LZTS1: variants seen among roughly 807,000 people sequenced by gnomAD.
The protein encoded by LZTS1 is leucine zipper tumor suppressor 1, also known as leucine zipper putative tumor suppressor 1.
In LZTS1, 31 loss-of-function variants were observed where a neutral mutation model predicts 45.8. The observed-to-expected ratio is 0.68, with a 90% CI of 0.51 to 0.91. LZTS1 has a LOEUF of 0.91. LZTS1 is among the 40% of genes least tolerant of loss of function. The pLI is 0.00. For missense variants in LZTS1, 821 were observed against 788.9 expected, an observed-to-expected ratio of 1.04 and a Z score of -0.49; for synonymous variants, 359 against 357.3, an observed-to-expected ratio of 1.00 and a Z score of -0.05.
In LZTS1 at chr8:20,253,018, C is replaced by T. The variant is rs528144165; in HGVS notation, c.913G>A (p.Glu305Lys). ...CCTTTGGGCTCCGGGCCCTCCAGCT[C>T]GTCCCTGCAGCGCCGCGGCCGCTCC... ...YEERPRRCRD[E>K]LEGPEPKGGN... The change falls in exon 3 of 4, where the codon GAG becomes AAG. Residue 305 changes from glutamate (E) to lysine (K), a missense_variant. Physicochemically the swap from Glu to Lys is moderately conservative, Grantham distance 56. Transcript: ENST00000381569. 46 of 1,596,728 alleles carry T rather than the reference C, an allele frequency of 2.9e-5. No individual in the cohort carries two copies. The highest frequency in any genetic ancestry group is 1.9e-4 in the South Asian group (17 of 90,618).
At chr8:20,254,719 T>C in intron 2 of LZTS1, 118 bp downstream of exon 2, 1 of 816,072 alleles carries the variant, frequency 1.2e-6, no homozygotes, top group Non-Finnish European at 1.9e-6. Flanking sequence ...GCCGCTCTGG[T>C]TTTGAGGAGT....
chr8:20,302,657 T>G (rs1335624622), intron 1 of LZTS1, among the ~76,000 whole-genome samples: 1 of 152,146 alleles, frequency 6.6e-6, no homozygotes, highest in Non-Finnish European at 1.5e-5. Context: ...GGTCCAGAAC[T>G]CAGTGCCTCC....
At chr8:20,276,189 A>AT (rs1800577522) in intron 1 of LZTS1, among the ~76,000 whole-genome samples, 1 of 151,690 alleles carries the variant, frequency 6.6e-6, no homozygotes, top group African/African-American at 2.4e-5. Context: ...TAAAATATAT[A>AT]TTTGGTCTTT....
intron 3 of LZTS1, among the ~76,000 whole-genome samples, chr8:20,250,818 C>T (rs55890309): frequency 0.32 from 48,417 of 151,500 alleles, 9,101 homozygotes; most frequent in Admixed American, 0.44. Flanking sequence ...AGGCTGATCT[C>T]GAATTCCTGA....
intron 1 of LZTS1, among the ~76,000 whole-genome samples, chr8:20,267,107 CA>C (rs11379373): frequency 1.1e-3 from 124 of 109,634 alleles, no homozygotes; most frequent in Middle Eastern, 4.8e-3. Context: ...GACTCCATCT[CA>C]AAAAAAAAAA....
intron 1 of LZTS1, 79 bp from the exon 2 acceptor site, chr8:20,255,394 G>T: frequency 9.5e-7 from 1 of 1,047,340 alleles, no homozygotes; most frequent in Non-Finnish European, 1.3e-6. Flanking sequence ...TCCAGATCTG[G>T]GCAGTAGAGA....
chr8:20,250,054 C>T lies in LZTS1; in HGVS notation c.1459G>A (p.Asp487Asn), dbSNP rs1799848231. The T allele has an allele frequency of 3.1e-6, 5 of 1,608,326 alleles. No homozygotes were observed. Among genetic ancestry groups the T allele is most frequent in the South Asian group, 2.2e-5 (2 of 90,952 alleles). The change falls in exon 4 of 4, where the codon GAC (aspartate) becomes AAC (asparagine). Residue 487 changes from aspartate (D) to asparagine (N), a missense_variant. Coordinates refer to ENST00000381569, the MANE Select transcript of LZTS1 (RefSeq NM_021020.5). Reference sequence around the variant, plus strand: ...TCGGGGAAGGTGGGCGGCCCCATGTCGCGGGCCAGGGCGGCCTGGGCCCGC... The same window carrying T: ...TCGGGGAAGGTGGGCGGCCCCATGTTGCGGGCCAGGGCGGCCTGGGCCCGC... ...ELRAQAALAR[D>N]MGPPTFPEDV...
chr8:20,285,374 T>C (rs1048343856), intron 1 of LZTS1, among the ~76,000 whole-genome samples: 9 of 152,174 alleles, frequency 5.9e-5, no homozygotes, highest in African/African-American at 2.2e-4. Flanking sequence ...TCTCTGGGGC[T>C]TATCCATAAT....
chr8:20,253,664 G>A (rs1800013310), intron 2 of LZTS1, 79 bp from the exon 3 acceptor site: 31 of 1,180,116 alleles, frequency 2.6e-5, no homozygotes, highest in Non-Finnish European at 3.4e-5. Flanking sequence ...CACGCGTGCC[G>A]ACCTTGAGCC....
chr8:20,254,313 T>C (rs910021655), intron 2 of LZTS1, among the ~76,000 whole-genome samples: 17 of 152,180 alleles, frequency 1.1e-4, no homozygotes, highest in Admixed American at 5.9e-4. Flanking sequence ...CTCTGGTAAA[T>C]GGATGACAAA....
chr8:20,289,723 A>C (rs1800866731), intron 1 of LZTS1: 1 of 152,230 alleles, frequency 6.6e-6, no homozygotes, highest in African/African-American at 2.4e-5. Flanking sequence ...AACTCTTGGC[A>C]GGCTTCCCTA....
intron 1 of LZTS1, among the ~76,000 whole-genome samples, chr8:20,260,049 AC>A (rs1800193526): frequency 6.6e-6 from 1 of 152,030 alleles, no homozygotes. Context: ...GACGGCACAT[AC>A]CATTACTCCT....
chr8:20,251,126 T>A (rs1248500169), intron 3 of LZTS1, among the ~76,000 whole-genome samples: 1 of 27,282 alleles, frequency 3.7e-5, no homozygotes, highest in African/African-American at 1.7e-4. Context: ...TATATATATA[T>A]ATATATATAT....
intron 1 of LZTS1, among the ~76,000 whole-genome samples, chr8:20,295,602 T>G (rs564446583): frequency 6.6e-6 from 1 of 152,268 alleles, no homozygotes; most frequent in East Asian, 1.9e-4. Context: ...TCAAGGGGCT[T>G]ATAACCTATG....
chr8:20,283,287 G>C (rs1240879537), intron 1 of LZTS1, among the ~76,000 whole-genome samples: 1 of 152,148 alleles, frequency 6.6e-6, no homozygotes, highest in African/African-American at 2.4e-5. Flanking sequence ...AGGTGATTAG[G>C]TCATGAGGGT....
intron 1 of LZTS1, among the ~76,000 whole-genome samples, chr8:20,274,149 C>G (rs58115408): frequency 6.6e-6 from 1 of 152,164 alleles, no homozygotes; most frequent in African/African-American, 2.4e-5. Flanking sequence ...CAGCTGCTCT[C>G]TACTTTGAGC....
chr8:20,286,207 A>G (rs182802472), intron 1 of LZTS1, among the ~76,000 whole-genome samples: 10 of 152,236 alleles, frequency 6.6e-5, no homozygotes, highest in African/African-American at 2.4e-4. Context: ...AAGGCATGCC[A>G]TAGAATAGAA....
chr8:20,275,404 CAA>C (rs55847914), intron 1 of LZTS1, among the ~76,000 whole-genome samples: 23,949 of 113,378 alleles, frequency 0.21, 2,190 homozygotes, highest in Middle Eastern at 0.3. Flanking sequence ...GACTTCATCT[CAA>C]AAAAAAAAAA....
intron 1 of LZTS1, among the ~76,000 whole-genome samples, chr8:20,300,014 T>A (rs1801048049): frequency 6.6e-6 from 1 of 152,218 alleles, no homozygotes. Context: ...ACACCTAGAA[T>A]GGTCCCCTTC....
Sources: gnomAD v4.1 joint callset for allele counts (sites outside exome capture counted in the v4.1 genomes callset) on GRCh38, gnomAD v4.1.1 for gene constraint, MANE v1.5 for transcripts, NCBI Gene and HGNC (gene_info 2026-07-23, HGNC 2026-07-21) for gene names.